The following EML6 variants were observed in gnomAD, a reference collection of about 807,000 sequenced individuals.
EML6 encodes echinoderm microtubule-associated protein-like 6.
In EML6, 154 loss-of-function variants were observed where a neutral mutation model predicts 240.1. The observed-to-expected ratio is 0.64, with a 90% confidence interval of 0.56 to 0.73. The LOEUF is 0.73. Ranked by LOEUF, EML6 falls within the 30% of genes least tolerant of loss-of-function variation. The pLI, the probability that EML6 is intolerant of heterozygous loss-of-function variation, is 0.00. For missense variants in EML6, 2,964 were observed against 2,474.6 expected (o/e 1.20, Z -4.20); for synonymous variants, 1,148 against 899.0 (o/e 1.28, Z -4.95).
chr2:54,868,532 G>A (rs1671087950), intron 14 of EML6: 1 of 152,150 alleles, frequency 6.6e-6, no homozygotes, highest in Non-Finnish European at 1.5e-5. Flanking sequence ...CCATTTTATA[G>A]CAATGTTATT....
chr2:54,925,806 A>G (rs1057470486), intron 26 of EML6, among the ~76,000 whole-genome samples: 4 of 152,130 alleles, frequency 2.6e-5, no homozygotes, highest in African/African-American at 9.7e-5. Flanking sequence ...TGGCCTGCAG[A>G]TTGCTTCCCA....
At chr2:54,900,681 T>C (rs1002839506) in intron 22 of EML6, among the ~76,000 whole-genome samples, 2 of 152,186 alleles carry the variant, frequency 1.3e-5, no homozygotes, top group Non-Finnish European at 2.9e-5. Flanking sequence ...CCTCCATCTC[T>C]CTAATTTCCC....
chr2:54,864,008 A>G (rs1189923282), intron 13 of EML6, 119 bp downstream of exon 13: 5 of 594,174 alleles, frequency 8.4e-6, no homozygotes, highest in Non-Finnish European at 8.8e-6. Flanking sequence ...CAAAAACAAG[A>G]AAAATAGTCT....
At chr2:54,957,275 AG>A (rs1676272501) in intron 32 of EML6, among the ~76,000 whole-genome samples, 1 of 151,814 alleles carries the variant, frequency 6.6e-6, no homozygotes, top group Non-Finnish European at 1.5e-5. Flanking sequence ...AGTACTTAAA[AG>A]GTAAAAAAAT....
intron 25 of EML6, among the ~76,000 whole-genome samples, chr2:54,915,470 G>C (rs1429737686): frequency 6.6e-6 from 1 of 152,092 alleles, no homozygotes; most frequent in African/African-American, 2.4e-5. Context: ...ACATCATAAG[G>C]GGTTGAGGGA....
intron 17 of EML6, chr2:54,880,220 A>G (rs1330125316): frequency 6.6e-6 from 1 of 152,522 alleles, no homozygotes; most frequent in African/African-American, 2.4e-5. Context: ...CTAAGTCTGA[A>G]CACGACTTTC....
At chr2:54,793,159 A>C (rs553545140) in intron 2 of EML6, among the ~76,000 whole-genome samples, 1 of 152,106 alleles carries the variant, frequency 6.6e-6, no homozygotes, top group Admixed American at 6.5e-5. Context: ...CTCAGCTACT[A>C]GGGAGGCTGA....
chr2:54,950,730 C>G lies in EML6; in HGVS notation c.4164C>G (p.Asp1388Glu), dbSNP rs1460739165. 6.4e-7 allele frequency: 1 copy of G among 1,551,538 alleles called. No homozygotes were observed. The highest frequency in any genetic ancestry group is 8.7e-7 in the Non-Finnish European group (1 of 1,146,998). ...NNLHYLNDGA[D>E]IIFHTAAAGI... ...TGCATTACCTTAATGATGGCGCTGA[C>G]ATCATCTTCCACACAGCAGCGGCTG... Residue 1388 changes from aspartate (D) to glutamate (E), a missense_variant, in exon 30 of 42, where the codon GAC becomes GAG. By Grantham distance (45) the Asp-to-Glu change is conservative. Coordinates refer to ENST00000356458, the MANE Select transcript of EML6 (RefSeq NM_001039753.4).
intron 2 of EML6, among the ~76,000 whole-genome samples, chr2:54,806,728 G>A (rs1197880579): frequency 6.6e-6 from 1 of 150,434 alleles, no homozygotes; most frequent in Admixed American, 6.6e-5. Context: ...CACCTATATA[G>A]TGCTAGGTTT....
rs1417812517 is a variant in EML6, at chr2:54,850,158, G to C, written c.1384G>C (p.Asp462His). 6.4e-6 allele frequency: 10 copies of C among 1,551,550 alleles called. No homozygotes were observed. The highest frequency in any genetic ancestry group is 1.7e-4 in the Middle Eastern group (1 of 5,994). Residue 462 changes from aspartate (D) to histidine (H), a missense_variant, in exon 10 of 42, where the codon GAT becomes CAT. Coordinates refer to ENST00000356458, the MANE Select transcript of EML6 (RefSeq NM_001039753.4). ...SFITHIDWSL[D>H]SKYLQTNDGA... ...CATCACGCATATTGACTGGTCCTTGGATAGTAAATACTTACAAACTAATGA... is the reference window on the plus strand; with the variant it reads ...CATCACGCATATTGACTGGTCCTTGCATAGTAAATACTTACAAACTAATGA...
chr2:54,826,273 A>T (rs1435281515), intron 5 of EML6, among the ~76,000 whole-genome samples: 1 of 152,200 alleles, frequency 6.6e-6, no homozygotes, highest in Non-Finnish European at 1.5e-5. Context: ...AGCATATGCA[A>T]ATAGCCCTTA....
intron 2 of EML6, among the ~76,000 whole-genome samples, chr2:54,765,609 C>T (rs370226859): frequency 9.2e-5 from 14 of 152,196 alleles, no homozygotes; most frequent in South Asian, 8.3e-4. Flanking sequence ...TACAGGCACC[C>T]GCCCTATGTC....
intron 23 of EML6, 58 bp downstream of exon 23, chr2:54,903,254 A>G: frequency 1.3e-6 from 2 of 1,526,446 alleles, no homozygotes; most frequent in Non-Finnish European, 1.8e-6. Context: ...AAAAATTACA[A>G]GAATGAACTA....
chr2:54,754,570 A>G (rs1206701381), intron 2 of EML6, among the ~76,000 whole-genome samples: 1 of 152,270 alleles, frequency 6.6e-6, no homozygotes, highest in Admixed American at 6.5e-5. Context: ...AGTTATTTAT[A>G]TATACTGGAT....
At chr2:54,813,771 C>A (rs1331391105) in intron 3 of EML6, among the ~76,000 whole-genome samples, 1 of 152,224 alleles carries the variant, frequency 6.6e-6, no homozygotes. Context: ...TGTAGTACCT[C>A]TTGCTTTCAA....
rs768563781 is a variant in EML6 at position 54,724,139 on chromosome 2, T to C, written c.-514+362T>C. ...TCCCTCCGACTGCACTAGTGCCTCG[T>C]TTCTTCCGAGTAAGACAATCTTTCA... On this transcript the variant is annotated intron_variant, in intron 1 of 41. Transcript: ENST00000356458. This position sits in a 1 kb window ranked among gnomAD's most constrained non-coding sequence, Gnocchi z 5.2. Among the ~76,000 whole-genome samples, 70 of 152,106 alleles carry C rather than the reference T, an allele frequency of 4.6e-4. No homozygotes were observed. Among genetic ancestry groups the C allele is most frequent in the Non-Finnish European group, 1.2e-4 (8 of 68,010 alleles).
chr2:54,945,284 G>A (rs1292539590), intron 28 of EML6, among the ~76,000 whole-genome samples: 1 of 16,112 alleles, frequency 6.2e-5, no homozygotes. Flanking sequence ...CTCTCTCTCT[G>A]CCTCCCCCTT....
At chr2:54,828,951 C>T (rs931652824) in intron 6 of EML6, among the ~76,000 whole-genome samples, 1 of 152,298 alleles carries the variant, frequency 6.6e-6, no homozygotes, top group South Asian at 2.1e-4. Flanking sequence ...TGTTCCTAGC[C>T]TCTTATCTCT....
upstream of EML6, chr2:54,723,564 C>G (rs887868034): frequency 6.6e-6 from 1 of 152,356 alleles, no homozygotes; most frequent in African/African-American, 2.4e-5. Context: ...GCGGCGAGAT[C>G]TCGCCTAGTA....
Sources: gnomAD v4.1 joint callset for allele counts (sites outside exome capture counted in the v4.1 genomes callset) on GRCh38, gnomAD v4.1.1 for gene constraint, Gnocchi (gnomAD v3.1) non-coding constraint, MANE v1.5 for transcripts, NCBI Gene and HGNC (gene_info 2026-07-23, HGNC 2026-07-21) for gene names.